The following NALCN variants were observed in gnomAD, a reference collection of about 807,000 sequenced individuals.
NALCN encodes sodium leak channel, non-selective.
Under a neutral mutation model 225.3 loss-of-function variants are expected in NALCN, and 111 were observed. That is an observed-to-expected ratio of 0.49 (90% CI 0.42 to 0.58). The LOEUF (loss-of-function observed/expected upper bound fraction) is 0.58. NALCN is among the 20% of genes least tolerant of loss of function. The pLI, the probability that NALCN is intolerant of heterozygous loss-of-function variation, is 0.00. For missense variants in NALCN, 1,378 were observed against 2,202.4 expected, an observed-to-expected ratio of 0.63 and a Z score of 7.49; for synonymous variants, 764 against 769.0, an observed-to-expected ratio of 0.99 and a Z score of 0.11.
At chr13:101,289,842 A>T (rs555490205) in intron 9 of NALCN, among the ~76,000 whole-genome samples, 79 of 152,338 alleles carry the variant, frequency 5.2e-4, no homozygotes, top group Non-Finnish European at 1.0e-3. Flanking sequence ...TTTTACAAAC[A>T]TAATAGCATC....
intron 13 of NALCN, among the ~76,000 whole-genome samples, chr13:101,219,837 C>A (rs956023289): frequency 6.6e-6 from 1 of 152,170 alleles, no homozygotes. Flanking sequence ...TCAAATCCAG[C>A]TGTCCAGCTG....
intron 9 of NALCN, among the ~76,000 whole-genome samples, chr13:101,286,203 C>T (rs1484057039): frequency 2.0e-5 from 3 of 152,158 alleles, no homozygotes; most frequent in African/African-American, 4.8e-5. Context: ...AGACTCAAAT[C>T]CTTGCGGGGA....
chr13:101,312,572 G>A (rs867735090), intron 7 of NALCN, among the ~76,000 whole-genome samples: 84 of 151,944 alleles, frequency 5.5e-4, no homozygotes, highest in Non-Finnish European at 7.8e-4. Context: ...CTTTGTTCTC[G>A]TTGGTTTCAA....
intron 15 of NALCN, among the ~76,000 whole-genome samples, chr13:101,168,133 C>G (rs1302577996): frequency 6.6e-6 from 1 of 152,156 alleles, no homozygotes; most frequent in Non-Finnish European, 1.5e-5. Context: ...AGGCTTTCCT[C>G]TTACCTCTTG....
intron 3 of NALCN, among the ~76,000 whole-genome samples, chr13:101,393,091 C>A (rs2047190052): frequency 6.6e-6 from 1 of 152,116 alleles, no homozygotes; most frequent in South Asian, 2.1e-4. Flanking sequence ...ATCACAATGG[C>A]AAACTGGGAA....
intron 28 of NALCN, among the ~76,000 whole-genome samples, chr13:101,094,993 A>G (rs2034427911): frequency 6.6e-6 from 1 of 152,230 alleles, no homozygotes; most frequent in African/African-American, 2.4e-5. Flanking sequence ...CATGGTCATT[A>G]ATAAAATAAG....
At chr13:101,234,346 C>T (rs545328359) in intron 12 of NALCN, among the ~76,000 whole-genome samples, 32 of 152,324 alleles carry the variant, frequency 2.1e-4, no homozygotes, top group African/African-American at 7.5e-4. Context: ...ACATGAATAA[C>T]TTCAGTAGTT....
intron 28 of NALCN, among the ~76,000 whole-genome samples, chr13:101,093,717 A>G (rs574906560): frequency 9.8e-5 from 15 of 152,336 alleles, no homozygotes; most frequent in Non-Finnish European, 2.2e-4. Context: ...CACTACCTTC[A>G]AGTGTGTTCC....
chr13:101,375,782 C>T (rs913263586), intron 6 of NALCN, among the ~76,000 whole-genome samples: 7 of 151,938 alleles, frequency 4.6e-5, no homozygotes, highest in Non-Finnish European at 8.8e-5. Flanking sequence ...ATCCCCAATC[C>T]CTGCTGCCCT....
At chr13:101,067,148 G>C in intron 39 of NALCN, among the ~76,000 whole-genome samples, 1 of 151,022 alleles carries the variant, frequency 6.6e-6, no homozygotes, top group East Asian at 2.0e-4. Flanking sequence ...ATGAGGAAGA[G>C]AGAAGAGGAG....
At chr13:101,249,048 GA>G (rs924475360) in intron 11 of NALCN, among the ~76,000 whole-genome samples, 8 of 152,090 alleles carry the variant, frequency 5.3e-5, no homozygotes, top group Non-Finnish European at 1.0e-4. Context: ...TCTGTGCTGT[GA>G]AGTTTGGTCT....
chr13:101,234,526 C>T (rs1201337815), intron 12 of NALCN, among the ~76,000 whole-genome samples: 1 of 152,156 alleles, frequency 6.6e-6, no homozygotes, highest in Non-Finnish European at 1.5e-5. Flanking sequence ...CAATGTAGGC[C>T]TTTATACAAA....
At chr13:101,278,451 AG>A (rs1420336021) in intron 10 of NALCN, among the ~76,000 whole-genome samples, 7 of 139,592 alleles carry the variant, frequency 5.0e-5, no homozygotes, top group African/African-American at 1.9e-4. Flanking sequence ...TGAACCTGGG[AG>A]GCGGAGGTTG....
chr13:101,156,896 C>A (rs2037928611), intron 15 of NALCN, among the ~76,000 whole-genome samples: 1 of 152,168 alleles, frequency 6.6e-6, no homozygotes, highest in Admixed American at 6.5e-5. Flanking sequence ...CACAATCATG[C>A]ATTTCCAATT....
At chr13:101,270,074 A>T (rs1054028459) in intron 10 of NALCN, among the ~76,000 whole-genome samples, 1 of 152,184 alleles carries the variant, frequency 6.6e-6, no homozygotes, top group Non-Finnish European at 1.5e-5. Flanking sequence ...TCCTAAAAGG[A>T]TGGACGCATT....
At chr13:101,377,140 T>C in intron 4 of NALCN, 84 bp from the exon 5 acceptor site, 5 of 1,535,556 alleles carry the variant, frequency 3.3e-6, no homozygotes, top group Non-Finnish European at 4.5e-6. Context: ...GTTAGCAGCA[T>C]AAGTAGGTGC....
chr13:101,173,619 C>T (rs2038838678), intron 15 of NALCN, among the ~76,000 whole-genome samples: 1 of 152,048 alleles, frequency 6.6e-6, no homozygotes, highest in Non-Finnish European at 1.5e-5. Flanking sequence ...AATCTACATA[C>T]AAGCAGATGT....
At chr13:101,224,599 C>A (rs2041066098) in intron 13 of NALCN, among the ~76,000 whole-genome samples, 1 of 152,134 alleles carries the variant, frequency 6.6e-6, no homozygotes, top group South Asian at 2.1e-4. Context: ...GCTTACACAG[C>A]CCTTCCTACA....
intron 1 of NALCN, among the ~76,000 whole-genome samples, chr13:101,409,053 CTGTTT>C (rs1024223875): frequency 3.9e-5 from 6 of 152,142 alleles, no homozygotes; most frequent in Admixed American, 2.0e-4. Context: ...TCCAAGGATT[CTGTTT>C]TGTTTTATTT....
Sources: allele counts gnomAD v4.1 joint callset (sites outside exome capture counted in the v4.1 genomes callset), GRCh38; gene constraint gnomAD v4.1.1; transcripts MANE v1.5; gene names NCBI Gene and HGNC (gene_info 2026-07-23, HGNC 2026-07-21).